The following GSR variants were observed in gnomAD, a reference collection of about 807,000 sequenced individuals.
GSR encodes the protein glutathione-disulfide reductase.
Under a neutral mutation model 56.5 loss-of-function variants are expected in GSR, and 48 were observed. That is an observed-to-expected ratio of 0.85 (90% CI 0.67 to 1.08). The LOEUF is 1.08. Ranked by LOEUF, GSR falls within the 50% of genes least tolerant of loss-of-function variation. GSR has a pLI of 0.00. For synonymous variants in GSR, 264 were observed against 270.8 expected (o/e 0.97, Z 0.25); for missense variants, 694 against 703.3 (o/e 0.99, Z 0.15).
intron 7 of GSR, among the ~76,000 whole-genome samples, chr8:30,695,954 C>T (rs8190999): frequency 0.013 from 1,980 of 152,140 alleles, 48 homozygotes; most frequent in African/African-American, 0.045. Context: ...GCATGAGACT[C>T]GCTTGAGCCC....
intron 5 of GSR, among the ~76,000 whole-genome samples, chr8:30,701,718 G>A (rs149176864): frequency 0.021 from 3,001 of 144,490 alleles, 39 homozygotes; most frequent in Middle Eastern, 0.038. Flanking sequence ...GCTTAAACCC[G>A]GGAGGCAGAG....
rs1803282062 is a variant in GSR, at chr8:30,689,326, G to A, written c.883-7C>T. 2 of 1,612,860 alleles carry A rather than the reference G, an allele frequency of 1.2e-6. No homozygotes were observed. The highest frequency in any genetic ancestry group is 1.7e-5 in the Admixed American group (1 of 60,000). ...TCTTTTTAACCTCCTTGACCTATTGGCAAATAAAATGTGTTACACATGTGT... is the reference window on the plus strand; with the variant it reads ...TCTTTTTAACCTCCTTGACCTATTGACAAATAAAATGTGTTACACATGTGT... On this transcript the variant is annotated splice_polypyrimidine_tract_variant and splice_region_variant and intron_variant, in intron 8 of 12. Transcript: ENST00000221130.
At chr8:30,683,991 TA>T (rs1181789589) in intron 10 of GSR, 96 bp downstream of exon 10, 1 of 783,374 alleles carries the variant, frequency 1.3e-6, no homozygotes, top group Non-Finnish European at 2.4e-6. Context: ...CTCATCCTTT[TA>T]ACTTTGCTTA....
chr8:30,719,682 C>T (rs1024257719), intron 1 of GSR, among the ~76,000 whole-genome samples: 2 of 152,182 alleles, frequency 1.3e-5, no homozygotes, highest in East Asian at 3.9e-4. Context: ...TTCAGAACCC[C>T]GATCAGTGGG....
At chr8:30,711,694 G>A (rs2128746676) in intron 2 of GSR, among the ~76,000 whole-genome samples, 1 of 152,166 alleles carries the variant, frequency 6.6e-6, no homozygotes, top group East Asian at 1.9e-4. Context: ...TCAGTCAAGT[G>A]CAGTGGCGCA....
chr8:30,718,633 C>T (rs531336662), intron 1 of GSR, among the ~76,000 whole-genome samples: 3 of 152,122 alleles, frequency 2.0e-5, no homozygotes, highest in Non-Finnish European at 4.4e-5. Context: ...GGAGCATTAT[C>T]AGATGAGTTC....
intron 6 of GSR, among the ~76,000 whole-genome samples, chr8:30,697,636 A>G (rs1379794454): frequency 1.1e-4 from 16 of 152,160 alleles, no homozygotes; most frequent in Admixed American, 4.6e-4. Flanking sequence ...TCTCAAAAGA[A>G]AAGAAAAATC....
At chr8:30,704,467 A>C (rs1803858587) in intron 4 of GSR, among the ~76,000 whole-genome samples, 1 of 152,148 alleles carries the variant, frequency 6.6e-6, no homozygotes, top group East Asian at 1.9e-4. Flanking sequence ...GTAAAATGGG[A>C]AGAATACCAC....
chr8:30,679,233 A>T lies in GSR; in HGVS notation c.*287T>A. 1 of 398,338 alleles carries T rather than the reference A, an allele frequency of 2.5e-6. No homozygotes were observed. Among genetic ancestry groups the T allele is most frequent in the Non-Finnish European group, 4.6e-6 (1 of 218,488 alleles). The allele number at this position is 398,338 out of a possible 1,614,324, so 24.7% of individuals were successfully genotyped here. On this transcript the variant is annotated 3_prime_UTR_variant, in exon 13 of 13. Transcript: ENST00000221130. ...TACTTCACAAAGCTTTATATTTGGG[A>T]TGAGGCTAAAACAGAAAAAAAAAAC...
intron 1 of GSR, among the ~76,000 whole-genome samples, chr8:30,716,100 G>A (rs976449870): frequency 6.6e-6 from 1 of 152,092 alleles, no homozygotes; most frequent in Non-Finnish European, 1.5e-5. Flanking sequence ...CTTGTGCCAG[G>A]CATTATGCAA....
At position 30,679,123 on chromosome 8, in the gene GSR, T is replaced by G. The variant is rs1802848671; in HGVS notation, c.*397A>C. 4 of 178,090 alleles carry G rather than the reference T, an allele frequency of 2.2e-5. No individual in the cohort carries two copies. Among genetic ancestry groups the G allele is most frequent in the Non-Finnish European group, 4.4e-5 (4 of 90,812 alleles). 11.0% of individuals were successfully genotyped at this position (178,090 alleles called of 1,614,324 possible). ...GAAATAGCACCACCGCACTCCAGCC[T>G]GGGCAATGAGAGCAAAACTCTGTCT... On this transcript the variant is annotated 3_prime_UTR_variant, in exon 13 of 13. Transcript: ENST00000221130.
chr8:30,696,532 T>C, intron 6 of GSR, 53 bp from the exon 7 acceptor site: 1 of 1,229,766 alleles, frequency 8.1e-7, no homozygotes. Context: ...TTTGGAATAA[T>C]TTCACGTTTA....
intron 9 of GSR, among the ~76,000 whole-genome samples, chr8:30,686,386 A>C (rs1289834368): frequency 4.6e-5 from 7 of 152,078 alleles, no homozygotes; most frequent in African/African-American, 1.7e-4. Flanking sequence ...CTCATTCTTC[A>C]AAAATTTAGC....
In GSR at chr8:30,689,216, A is replaced by T. The variant is rs1257829676; in HGVS notation, c.986T>A (p.Leu329Gln). ...CGGGACCCGCCCAATGGCCCAGAGC[A>T]GGCAGTCAACATCTGGAATCATGGT... is the stretch of plus-strand genomic sequence containing the variant. ...VMTMIPDVDCLLWAIGRVPNT... is the reference protein window; with the variant it reads ...VMTMIPDVDCQLWAIGRVPNT... The change falls in exon 9 of 13, where the codon CTG (leucine) becomes CAG (glutamine). Residue 329 changes from leucine to glutamine, a missense_variant. Physicochemically the swap from Leu to Gln is moderately radical, Grantham distance 113 (BLOSUM62 -2). Coordinates refer to ENST00000221130, the MANE Select transcript of GSR (RefSeq NM_000637.5). 2 of 1,613,820 alleles carry T rather than the reference A, an allele frequency of 1.2e-6. No homozygotes were observed. Among genetic ancestry groups the T allele is most frequent in the African/African-American group, 2.7e-5 (2 of 74,920 alleles).
chr8:30,702,426 G>C (rs1049667640), intron 5 of GSR, among the ~76,000 whole-genome samples: 5 of 152,140 alleles, frequency 3.3e-5, no homozygotes, highest in Non-Finnish European at 7.3e-5. Context: ...CTACTTAAAA[G>C]AGAAAAATAT....
At chr8:30,719,957 T>G (rs931907884) in intron 1 of GSR, among the ~76,000 whole-genome samples, 2 of 152,090 alleles carry the variant, frequency 1.3e-5, no homozygotes, top group African/African-American at 4.8e-5. Context: ...CACGCTGTAA[T>G]CCCAAAACTT....
At chr8:30,683,966 G>A (rs1803044042) in intron 10 of GSR, 122 bp downstream of exon 10, 1 of 762,264 alleles carries the variant, frequency 1.3e-6, no homozygotes, top group Admixed American at 1.8e-5. Context: ...GTACCATTTT[G>A]ACAATATAAA....
intron 4 of GSR, 104 bp from the exon 5 acceptor site, chr8:30,703,344 G>A (rs1803813742): frequency 9.1e-7 from 1 of 1,101,378 alleles, no homozygotes; most frequent in Non-Finnish European, 1.4e-6. Flanking sequence ...TTTGATTCTT[G>A]GTTTGCTGAT....
chr8:30,708,281 C>T, intron 3 of GSR, 140 bp from the exon 4 acceptor site: 1 of 728,402 alleles, frequency 1.4e-6, no homozygotes, highest in Non-Finnish European at 2.5e-6. Flanking sequence ...TCTCCGAAGA[C>T]AGTCATCCCT....
Sources: allele counts gnomAD v4.1 joint callset (sites outside exome capture counted in the v4.1 genomes callset), GRCh38; gene constraint gnomAD v4.1.1; transcripts MANE v1.5; gene names NCBI Gene and HGNC (gene_info 2026-07-23, HGNC 2026-07-21).